The following CNBD1 variants were observed in gnomAD, a reference collection of about 807,000 sequenced individuals.
The protein encoded by CNBD1 is cyclic nucleotide-binding domain-containing protein 1.
Under a neutral mutation model 54.4 loss-of-function variants are expected in CNBD1, and 71 were observed. That is an observed-to-expected ratio of 1.30 (90% CI 1.08 to 1.59). The LOEUF (loss-of-function observed/expected upper bound fraction) is 1.59. CNBD1 is among the 40% of genes most tolerant of loss of function. The probability of loss-of-function intolerance (pLI) is 0.00; values close to 1 mark genes in which losing one functional copy is unlikely to be tolerated. For missense variants in CNBD1, 659 were observed against 518.0 expected (o/e 1.27, Z -2.64); for synonymous variants, 182 against 170.7 (o/e 1.07, Z -0.51).
chr8:87,032,716 A>G (rs1250844321), intron 4 of CNBD1, among the ~76,000 whole-genome samples: 1 of 152,178 alleles, frequency 6.6e-6, no homozygotes, highest in Non-Finnish European at 1.5e-5. Context: ...TTCTTCCACC[A>G]TTTGCTTTAG....
At chr8:87,309,653 T>C (rs1809224639) in intron 8 of CNBD1, among the ~76,000 whole-genome samples, 1 of 152,118 alleles carries the variant, frequency 6.6e-6, no homozygotes, top group African/African-American at 2.4e-5. Context: ...TGTATCTATA[T>C]CTTTATCACT....
chr8:87,380,049 A>G (rs1811043026), intron 10 of CNBD1, among the ~76,000 whole-genome samples: 1 of 151,918 alleles, frequency 6.6e-6, no homozygotes, highest in South Asian at 2.1e-4. Context: ...AGACAATAAT[A>G]TAAACTAGTA....
chr8:87,398,511 G>A (rs989428486), intron 2 of CNBD1, among the ~76,000 whole-genome samples: 1 of 151,882 alleles, frequency 6.6e-6, no homozygotes, highest in Admixed American at 6.6e-5. Flanking sequence ...ATACATTCTG[G>A]TGATCCCTCT....
intron 4 of CNBD1, among the ~76,000 whole-genome samples, chr8:87,067,573 C>A (rs1810679986): frequency 6.6e-6 from 1 of 151,900 alleles, no homozygotes; most frequent in Non-Finnish European, 1.5e-5. Context: ...GGTTTCAGGG[C>A]AAAAGCAAGT....
intron 4 of CNBD1, among the ~76,000 whole-genome samples, chr8:87,027,921 C>T (rs1809689454): frequency 6.6e-6 from 1 of 152,178 alleles, no homozygotes; most frequent in African/African-American, 2.4e-5. Context: ...TATGCTTCCT[C>T]TCTCTCTCAG....
At chr8:87,045,724 C>CAAAAAAAAA (rs58973406) in intron 4 of CNBD1, among the ~76,000 whole-genome samples, 7 of 51,062 alleles carry the variant, frequency 1.4e-4, no homozygotes, top group African/African-American at 5.5e-4. Flanking sequence ...GACTCCGTCT[C>CAAAAAAAAA]AAAAAAAAAA....
intron 7 of CNBD1, 79 bp from the exon 8 acceptor site, chr8:87,286,460 C>G: frequency 1.2e-6 from 1 of 840,224 alleles, no homozygotes; most frequent in Non-Finnish European, 1.9e-6. Flanking sequence ...TTTTACTTCT[C>G]TCACCATTTA....
intron 4 of CNBD1, among the ~76,000 whole-genome samples, chr8:87,155,163 G>A (rs1203192016): frequency 6.6e-6 from 1 of 152,140 alleles, no homozygotes; most frequent in Non-Finnish European, 1.5e-5. Flanking sequence ...GGCAATAAGG[G>A]AGATGTCTTA....
At chr8:86,890,284 C>T (rs1292044079) in intron 2 of CNBD1, among the ~76,000 whole-genome samples, 1 of 152,086 alleles carries the variant, frequency 6.6e-6, no homozygotes, top group African/African-American at 2.4e-5. Context: ...CACCATTCTA[C>T]TCTCTGCTTC....
chr8:87,342,788 A>G (rs1810094143), intron 8 of CNBD1, among the ~76,000 whole-genome samples: 1 of 152,164 alleles, frequency 6.6e-6, no homozygotes, highest in South Asian at 2.1e-4. Flanking sequence ...TCAAAGGGCC[A>G]TAAAGATCAC....
At chr8:87,283,082 TG>T (rs1808627090) in intron 6 of CNBD1, among the ~76,000 whole-genome samples, 1 of 152,122 alleles carries the variant, frequency 6.6e-6, no homozygotes, top group South Asian at 2.1e-4. Flanking sequence ...ATCTATCTTC[TG>T]TAGCTATTAC....
At chr8:87,205,812 C>T (rs948707438) in intron 4 of CNBD1, among the ~76,000 whole-genome samples, 181 bp from the exon 5 acceptor site, 2 of 151,952 alleles carry the variant, frequency 1.3e-5, no homozygotes, top group African/African-American at 2.4e-5. Context: ...ATCTTAATGT[C>T]GGAAGGGTAA....
Position 87,255,282 on chromosome 8 carries a change from C to G in CNBD1, c.771+18170C>G, listed in dbSNP as rs114305310. Among the ~76,000 whole-genome samples, 680 of 152,082 alleles carry G rather than the reference C, an allele frequency of 4.5e-3. 9 individuals are homozygous for G. Among genetic ancestry groups the G allele is most frequent in the African/African-American group, 0.015 (641 of 41,494 alleles). Reference sequence around the variant, plus strand: ...AGTGGCATGGAAGATTGAGAAAGAACCACAGGAAACAAGATGTAGAGGGTC... The same window carrying G: ...AGTGGCATGGAAGATTGAGAAAGAAGCACAGGAAACAAGATGTAGAGGGTC... On this transcript the variant is annotated intron_variant, in intron 6 of 10. Transcript: ENST00000518476.
At chr8:86,871,718 A>G (rs943429239) in intron 1 of CNBD1, among the ~76,000 whole-genome samples, 2 of 152,174 alleles carry the variant, frequency 1.3e-5, no homozygotes, top group African/African-American at 4.8e-5. Flanking sequence ...CAAATATGTA[A>G]AGTTACAGCT....
chr8:87,179,567 A>AATGG (rs1175576296), intron 4 of CNBD1, among the ~76,000 whole-genome samples: 1 of 152,194 alleles, frequency 6.6e-6, no homozygotes, highest in African/African-American at 2.4e-5. Flanking sequence ...ATAAATGTTT[A>AATGG]ATGGAAGCCA....
At chr8:87,093,358 C>A (rs1414353729) in intron 4 of CNBD1, among the ~76,000 whole-genome samples, 10 of 152,016 alleles carry the variant, frequency 6.6e-5, no homozygotes, top group Non-Finnish European at 1.3e-4. Flanking sequence ...AGGGAGTGGG[C>A]CCTGTGACTG....
At chr8:87,066,019 G>C (rs1810645714) in intron 4 of CNBD1, among the ~76,000 whole-genome samples, 1 of 151,954 alleles carries the variant, frequency 6.6e-6, no homozygotes, top group Admixed American at 6.6e-5. Context: ...AGCAACATTT[G>C]ACAGTTAATA....
rs113985518 is a variant in CNBD1 at position 87,299,675 on chromosome 8, G to A, written c.1042+13004G>A. Among the ~76,000 whole-genome samples, 881 of 152,256 alleles carry A rather than the reference G, an allele frequency of 5.8e-3. 8 individuals are homozygous for A. The highest frequency in any genetic ancestry group is 0.02 in the African/African-American group (832 of 41,536). On this transcript the variant is annotated intron_variant, in intron 8 of 10. Coordinates refer to ENST00000518476, the MANE Select transcript of CNBD1 (RefSeq NM_173538.3). ...AGGGCTGAAAACTCAGTCCAAATAC[G>A]AGACAGAGTGAGTAATAGCTATGAA...
intron 4 of CNBD1, among the ~76,000 whole-genome samples, chr8:87,025,268 G>A (rs1809613241): frequency 6.6e-6 from 1 of 152,010 alleles, no homozygotes; most frequent in Non-Finnish European, 1.5e-5. Flanking sequence ...GCCAAATAAG[G>A]GAATAAAAGC....
Sources: allele counts gnomAD v4.1 joint callset (sites outside exome capture counted in the v4.1 genomes callset), GRCh38; gene constraint gnomAD v4.1.1; transcripts MANE v1.5; gene names NCBI Gene and HGNC (gene_info 2026-07-23, HGNC 2026-07-21).